Variants in PCM1 observed in about 807,000 individuals in gnomAD.
PCM1 encodes the protein pericentriolar material 1.
Under a neutral mutation model 241.9 loss-of-function variants are expected in PCM1, and 157 were observed. The ratio of observed to expected loss-of-function variants is 0.65; its 90% CI spans 0.57 to 0.74. The LOEUF (loss-of-function observed/expected upper bound fraction) is 0.74. Ranked by LOEUF, PCM1 falls within the 30% of genes least tolerant of loss-of-function variation. The pLI is 0.00. For missense variants in PCM1, 3,478 were observed against 2,360.1 expected (o/e 1.47, Z -9.81); for synonymous variants, 1,085 against 784.9 (o/e 1.38, Z -6.39).
chr8:18,014,426 T>G (rs2092919158), intron 35 of PCM1, among the ~76,000 whole-genome samples, 158 bp from the exon 36 acceptor site: 1 of 152,198 alleles, frequency 6.6e-6, no homozygotes, highest in Non-Finnish European at 1.5e-5. Context: ...ATCAACTAAA[T>G]TTGGGAACCA....
At chr8:17,990,045 C>A (rs1288712098) in intron 27 of PCM1, 66 bp downstream of exon 27, 4 of 1,309,702 alleles carry the variant, frequency 3.1e-6, no homozygotes, top group South Asian at 1.7e-5. Flanking sequence ...TTTGAATTGG[C>A]GTTGATAAGG....
Position 17,964,643 on chromosome 8 carries a change from A to T in PCM1, c.2730A>T (p.Glu910Asp), listed in dbSNP as rs747550377. 6.2e-7 allele frequency: 1 copy of T among 1,613,960 alleles called. No individual in the cohort carries two copies. Among genetic ancestry groups the T allele is most frequent in the South Asian group, 1.1e-5 (1 of 91,086 alleles). Residue 910 changes from glutamate (E) to aspartate (D), a missense_variant, in exon 18 of 39, where the codon GAA becomes GAT. Physicochemically the swap from Glu to Asp is conservative, Grantham distance 45 (BLOSUM62 2). Coordinates refer to ENST00000325083, the MANE Select transcript of PCM1 (RefSeq NM_006197.4). ...GAGATGAAGACGGTTACCTTTCTGA[A>T]GGAATTGTTCGGACAGATGAAGAGG... ...EEGDEDGYLS[E>D]GIVRTDEEEE...
chr8:18,027,301 G>T (rs2094305893), intron 38 of PCM1, among the ~76,000 whole-genome samples: 1 of 152,170 alleles, frequency 6.6e-6, no homozygotes, highest in Non-Finnish European at 1.5e-5. Flanking sequence ...CATCTGCATT[G>T]AGCATTCTGG....
At chr8:17,995,457 T>C (rs2086344449) in intron 29 of PCM1, among the ~76,000 whole-genome samples, 2 of 151,582 alleles carry the variant, frequency 1.3e-5, no homozygotes, top group Middle Eastern at 3.4e-3. Context: ...CCACGCTGTT[T>C]TGGTTACTAT....
intron 29 of PCM1, 104 bp downstream of exon 29, chr8:17,993,723 A>G: frequency 1.1e-6 from 1 of 923,660 alleles, no homozygotes; most frequent in Non-Finnish European, 1.6e-6. Context: ...GGTAAACAAC[A>G]ACAAAAAAAC....
chr8:17,950,786 A>T, intron 8 of PCM1, 62 bp downstream of exon 8: 1 of 911,870 alleles, frequency 1.1e-6, no homozygotes, highest in South Asian at 1.4e-5. Context: ...ACAGTGATTC[A>T]GAAACTTCAG....
chr8:17,944,840 A>AT (rs368929460), intron 6 of PCM1, among the ~76,000 whole-genome samples: 2,569 of 152,112 alleles, frequency 0.017, 40 homozygotes, highest in South Asian at 0.043. Context: ...AATTTTGAAA[A>AT]TTGAGAATTC....
In PCM1 at chr8:18,027,644, G is replaced by T; in HGVS notation, c.6057G>T (p.Val2019=). Residue 2019 remains valine (V), a synonymous_variant, in exon 39 of 39, where the codon GTG becomes GTT. Coordinates refer to ENST00000325083, the MANE Select transcript of PCM1 (RefSeq NM_006197.4). ...TTTTATTCTGTTTTTCAGAAACGGT[G>T]GGAGCCCAGAGTATATGAGATGTCT... The part of the protein sequence containing the change: ...NSETLKEPET[V]GAQSI 1 of 1,576,732 alleles carries T rather than the reference G, an allele frequency of 6.3e-7. No individual in the cohort carries two copies. The highest frequency in any genetic ancestry group is 8.7e-7 in the Non-Finnish European group (1 of 1,154,420).
intron 23 of PCM1, among the ~76,000 whole-genome samples, chr8:17,977,935 T>C (rs538897434): frequency 6.6e-6 from 1 of 152,096 alleles, no homozygotes; most frequent in African/African-American, 2.4e-5. Context: ...AATATAACAG[T>C]GCATATAAAA....
chr8:18,011,589 G>A, intron 33 of PCM1, 78 bp from the exon 34 acceptor site: 1 of 1,313,604 alleles, frequency 7.6e-7, no homozygotes, highest in East Asian at 2.5e-5. Flanking sequence ...TCTGTGCCAT[G>A]CAGGAATGCA....
rs368727106 is a variant in PCM1 at position 17,957,802 on chromosome 8, C to T, written c.2040+27C>T. The T allele has an allele frequency of 1.3e-5, 19 of 1,490,954 alleles. No individual in the cohort carries two copies. The African/African-American group carries it at 1.9e-4, about 15-fold the overall frequency. 92.4% of individuals were successfully genotyped at this position (1,490,954 alleles called of 1,614,324 possible). Reference sequence around the variant, plus strand: ...TAAATATTGCTTGGTCTTTTAAAAACCTATTTGTCAAATAGTACAGTCTTA... The same window carrying T: ...TAAATATTGCTTGGTCTTTTAAAAATCTATTTGTCAAATAGTACAGTCTTA... On this transcript the variant is annotated intron_variant, in intron 13 of 38. Coordinates refer to ENST00000325083, the MANE Select transcript of PCM1 (RefSeq NM_006197.4).
At chr8:18,008,659 T>G (rs895377569) in intron 30 of PCM1, among the ~76,000 whole-genome samples, 1 of 152,150 alleles carries the variant, frequency 6.6e-6, no homozygotes, top group African/African-American at 2.4e-5. Flanking sequence ...TACAACAGTC[T>G]AATTAGTTGA....
chr8:18,014,011 A>G lies in PCM1; in HGVS notation c.5559A>G (p.Pro1853=), dbSNP rs765830910. The G allele has an allele frequency of 6.2e-7, 1 of 1,602,326 alleles. No homozygotes were observed. Among genetic ancestry groups the G allele is most frequent in the Admixed American group, 1.7e-5 (1 of 58,502 alleles). Residue 1853 remains proline (P), a synonymous_variant, in exon 35 of 39, where the codon CCA becomes CCG. Transcript: ENST00000325083. ...AGACAGCAGAAAGCAAAAATGTCCC[A>G]TTGGAACGAGAAGCCACTAGTAAAA... ...FKKTAESKNV[P]LEREATSKND...
chr8:17,930,595 G>A (rs931346158), intron 2 of PCM1, among the ~76,000 whole-genome samples: 5 of 151,862 alleles, frequency 3.3e-5, no homozygotes, highest in Admixed American at 2.0e-4. Context: ...TGTTGTGAAT[G>A]TGGCCGGGTG....
intron 6 of PCM1, among the ~76,000 whole-genome samples, chr8:17,940,778 A>G (rs530294693): frequency 1.9e-4 from 29 of 152,316 alleles, no homozygotes; most frequent in Non-Finnish European, 3.1e-4. Flanking sequence ...TAATTTACAG[A>G]ACTTTGAGGA....
At position 17,937,135 on chromosome 8, in the gene PCM1, A is replaced by G. The variant is rs747104314; in HGVS notation, c.98A>G (p.Asp33Gly). The stretch of plus-strand genomic sequence containing the variant: ...ATTTTTGCTTTTACTTTTTTAAAGG[A>G]TTGGGGTGCCCAACAGAAGAAAGCA... ...ENVDDRLNNM[D>G]WGAQQKKANR... The change falls in exon 4 of 39, where the codon GAT becomes GGT. Residue 33 changes from aspartate (D) to glycine (G), a missense_variant and splice_region_variant. Physicochemically the swap from Asp to Gly is moderately conservative, Grantham distance 94 (BLOSUM62 -1). Coordinates refer to ENST00000325083, the MANE Select transcript of PCM1 (RefSeq NM_006197.4). 5.8e-6 allele frequency: 9 copies of G among 1,557,702 alleles called. No homozygotes were observed. The highest frequency in any genetic ancestry group is 3.9e-5 in the Admixed American group (2 of 51,298).
intron 38 of PCM1, among the ~76,000 whole-genome samples, 165 bp from the exon 39 acceptor site, chr8:18,027,472 T>G (rs1303347401): frequency 6.6e-6 from 1 of 152,232 alleles, no homozygotes; most frequent in Non-Finnish European, 1.5e-5. Context: ...GCCTCACCTA[T>G]TCTTTTTTTA....
intron 36 of PCM1, among the ~76,000 whole-genome samples, chr8:18,023,917 G>T (rs1296703689): frequency 3.3e-5 from 5 of 152,148 alleles, no homozygotes; most frequent in Non-Finnish European, 7.4e-5. Flanking sequence ...CCCAACTTCT[G>T]TGTCAGTAGT....
At chr8:17,983,346 T>A in intron 24 of PCM1, 1 of 1,055,096 alleles carries the variant, frequency 9.5e-7, no homozygotes, top group Non-Finnish European at 1.3e-6. Flanking sequence ...CCATTGGTCC[T>A]AAAGGTTTTA....
Sources: allele counts gnomAD v4.1 joint callset (sites outside exome capture counted in the v4.1 genomes callset), GRCh38; gene constraint gnomAD v4.1.1; transcripts MANE v1.5; gene names NCBI Gene and HGNC (gene_info 2026-07-23, HGNC 2026-07-21).